SLC2A1: variants seen among roughly 807,000 people sequenced by gnomAD.
SLC2A1 encodes the protein solute carrier family 2 member 1.
In SLC2A1, 4 loss-of-function variants were observed where a neutral mutation model predicts 46.6. That is an observed-to-expected ratio of 0.09 (90% CI 0.04 to 0.20). The LOEUF (loss-of-function observed/expected upper bound fraction) is 0.20. Ranked by LOEUF, SLC2A1 falls within the 10% of genes least tolerant of loss-of-function variation. SLC2A1 has a pLI of 1.00. For missense variants in SLC2A1, 352 were observed against 667.0 expected, an observed-to-expected ratio of 0.53 and a Z score of 5.20; for synonymous variants, 253 against 270.0, an observed-to-expected ratio of 0.94 and a Z score of 0.62.
chr1:42,929,402 G>T lies in SLC2A1; in HGVS notation c.868-88C>A. The T allele has an allele frequency of 8.4e-7, 1 of 1,196,586 alleles. No homozygotes were observed. Among genetic ancestry groups the T allele is most frequent in the Non-Finnish European group, 1.2e-6 (1 of 819,530 alleles). The allele number at this position is 1,196,586 out of a possible 1,614,324, so 74.1% of individuals were successfully genotyped here. A position where few individuals can be genotyped will look rare whatever the true frequency, so the allele number is the denominator to read the frequency against. ...GCAGTGGATGTGGGACCCAGGATGA[G>T]TAAAGAATGAAGGGGACAAATACTC... On this transcript the variant is annotated intron_variant, in intron 6 of 9. Transcript: ENST00000426263. The surrounding 1 kb of genome is among the most constrained non-coding windows in gnomAD (Gnocchi z 6.0).
Position 42,929,324 on chromosome 1 carries a change from AAG to A in SLC2A1, c.868-12_868-11del. 6.2e-7 allele frequency: 1 copy of A among 1,602,362 alleles called. No individual in the cohort carries two copies. Among genetic ancestry groups the A allele is most frequent in the South Asian group, 1.1e-5 (1 of 89,588 alleles). ...TGGAGTAATAGAAGACCTGCCAGACAAGAGAAACTGTTGGGGCCTACCTGGAC... is the reference window on the plus strand; with the variant it reads ...TGGAGTAATAGAAGACCTGCCAGACAAGAAACTGTTGGGGCCTACCTGGAC... On this transcript the variant is annotated splice_polypyrimidine_tract_variant and intron_variant, in intron 6 of 9. Transcript: ENST00000426263. This position sits in a 1 kb window ranked among gnomAD's most constrained non-coding sequence, Gnocchi z 6.0.
rs538575828 is a variant in SLC2A1 at position 42,925,400 on chromosome 1, C to T, written c.*1641G>A. ...GACAAATATCTTTGGTGTTTTATTT[C>T]CTCCAGTATTTTCTGAGTGCCTGCT... On this transcript the variant is annotated 3_prime_UTR_variant, in exon 10 of 10. Transcript: ENST00000426263. 6.6e-6 allele frequency: 1 copy of T among 152,290 alleles called. No individual in the cohort carries two copies. The highest frequency in any genetic ancestry group is 2.4e-5 in the African/African-American group (1 of 41,546). The allele number at this position is 152,290 out of a possible 1,614,324, so 9.4% of individuals were successfully genotyped here.
Position 42,929,149 on chromosome 1 carries a change from G to A in SLC2A1, c.972+61C>T. ...CACAGGGCACTGCAAAGACCAGTGG[G>A]GAAGATGGCACTGCCTCCTCCCTGG... On this transcript the variant is annotated intron_variant, in intron 7 of 9. Coordinates refer to ENST00000426263, the MANE Select transcript of SLC2A1 (RefSeq NM_006516.4). The surrounding 1 kb of genome is among the most constrained non-coding windows in gnomAD (Gnocchi z 6.0). The A allele has an allele frequency of 6.4e-7, 1 of 1,559,466 alleles. No homozygotes were observed. The highest frequency in any genetic ancestry group is 8.8e-7 in the Non-Finnish European group (1 of 1,130,826).
intron 1 of SLC2A1, among the ~76,000 whole-genome samples, chr1:42,944,383 T>A (rs571833339): frequency 1.3e-5 from 2 of 152,260 alleles, no homozygotes; most frequent in African/African-American, 4.8e-5. Flanking sequence ...AGGCAGGCCT[T>A]TAACTGATTG....
At chr1:42,949,344 T>C (rs11210766) in intron 1 of SLC2A1, among the ~76,000 whole-genome samples, 10,216 of 152,226 alleles carry the variant, frequency 0.067, 700 homozygotes, top group African/African-American at 0.16. Flanking sequence ...AGGAGGCACC[T>C]GAGGTCAGAG....
intron 1 of SLC2A1, among the ~76,000 whole-genome samples, chr1:42,946,859 A>C (rs143491286): frequency 6.6e-5 from 10 of 152,346 alleles, no homozygotes; most frequent in Admixed American, 6.5e-4. Context: ...GCTTGGAAGC[A>C]GACCCACGTT....
intron 1 of SLC2A1, among the ~76,000 whole-genome samples, chr1:42,945,747 A>AAC (rs1553157048): frequency 7.2e-6 from 1 of 139,180 alleles, no homozygotes; most frequent in Admixed American, 7.2e-5. Flanking sequence ...TCAAAAAAAA[A>AAC]AAAAAACAAA....
chr1:42,931,773 C>T (rs1023243469), intron 2 of SLC2A1, among the ~76,000 whole-genome samples: 2 of 146,688 alleles, frequency 1.4e-5, no homozygotes, highest in African/African-American at 5.0e-5. Context: ...TTGCAGTGAG[C>T]CAAGACTGTG....
Position 42,958,296 on chromosome 1 carries a change from C to A in SLC2A1, c.18+338G>T, listed in dbSNP as rs532995647. On this transcript the variant is annotated intron_variant, in intron 1 of 9. Transcript: ENST00000426263. ...GAGGCTGGGCTGCTGCTGCCGAGGT[C>A]GTGTGCGACGTGCCGCTCCCGGGCC... Among the ~76,000 whole-genome samples, 75 of 151,304 alleles carry A rather than the reference C, an allele frequency of 5.0e-4. No homozygotes were observed. The East Asian group carries it at 0.012, about 25-fold the overall frequency.
At chr1:42,944,252 G>T (rs1643628190) in intron 1 of SLC2A1, among the ~76,000 whole-genome samples, 1 of 152,188 alleles carries the variant, frequency 6.6e-6, no homozygotes, top group African/African-American at 2.4e-5. Flanking sequence ...AAGGGCAGAG[G>T]CCAGCAGGTG....
chr1:42,947,598 A>AC (rs1466637686), intron 1 of SLC2A1, among the ~76,000 whole-genome samples: 19 of 151,034 alleles, frequency 1.3e-4, no homozygotes, highest in Admixed American at 3.3e-4. Context: ...AAAAAAAAAA[A>AC]AAAAAAAACA....
chr1:42,935,142 G>A (rs1643529629), intron 2 of SLC2A1, among the ~76,000 whole-genome samples: 1 of 152,158 alleles, frequency 6.6e-6, no homozygotes, highest in African/African-American at 2.4e-5. Flanking sequence ...CATGGTGTCG[G>A]CCAGCCTAGA....
intron 1 of SLC2A1, among the ~76,000 whole-genome samples, chr1:42,956,637 G>C (rs1351465641): frequency 6.6e-6 from 1 of 152,116 alleles, no homozygotes; most frequent in Non-Finnish European, 1.5e-5. Flanking sequence ...ACACCACTGT[G>C]AAAGAGGTGT....
At position 42,945,446 on chromosome 1, in the gene SLC2A1, C is replaced by T. The variant is rs1643644047; in HGVS notation, c.19-2125G>A. Among the ~76,000 whole-genome samples, 3 of 151,282 alleles carry T rather than the reference C, an allele frequency of 2.0e-5. No homozygotes were observed. In the South Asian group the frequency reaches 6.2e-4, roughly 32 times the overall value. On this transcript the variant is annotated intron_variant, in intron 1 of 9. Coordinates refer to ENST00000426263, the MANE Select transcript of SLC2A1 (RefSeq NM_006516.4). ...CTTTTGGGTTAAAAAAAAAAATTGGCTGGGGGTAGGGGGAGAATATACACA... is the reference window on the plus strand; with the variant it reads ...CTTTTGGGTTAAAAAAAAAAATTGGTTGGGGGTAGGGGGAGAATATACACA...
At chr1:42,942,633 C>G (rs866324031) in intron 2 of SLC2A1, among the ~76,000 whole-genome samples, 4 of 151,858 alleles carry the variant, frequency 2.6e-5, no homozygotes, top group Non-Finnish European at 4.4e-5. Flanking sequence ...GGAGAGGACG[C>G]GGTTTCAACC....
intron 1 of SLC2A1, chr1:42,952,416 G>T: frequency 2.1e-6 from 1 of 477,934 alleles, no homozygotes; most frequent in South Asian, 1.5e-5. Flanking sequence ...GTCGATCAGC[G>T]AGTTGGGGAT....
Position 42,958,799 on chromosome 1 carries a change from C to T in SLC2A1, c.-148G>A. 1.3e-6 allele frequency: 1 copy of T among 769,754 alleles called. No homozygotes were observed. The highest frequency in any genetic ancestry group is 1.7e-5 in the South Asian group (1 of 59,356). 47.7% of individuals were successfully genotyped at this position (769,754 alleles called of 1,614,324 possible). A position where few individuals can be genotyped will look rare whatever the true frequency, so the allele number is the denominator to read the frequency against. ...GACCCCCGTCGTTTGGTCTCCTGCT[C>T]CCTGGCGTGCTCACTCGGGGACCCG... is the stretch of plus-strand genomic sequence containing the variant. On this transcript the variant is annotated 5_prime_UTR_variant, in exon 1 of 10. Coordinates refer to ENST00000426263, the MANE Select transcript of SLC2A1 (RefSeq NM_006516.4).
chr1:42,932,939 G>A lies in SLC2A1; in HGVS notation c.115-1733C>T, dbSNP rs574497676. Among the ~76,000 whole-genome samples the A allele has an allele frequency of 9.8e-5, 15 of 152,316 alleles. No individual in the cohort carries two copies. In the South Asian group the frequency reaches 2.9e-3, roughly 29 times the overall value. ...GCAAGCCCTAAGGATCTGCTTGTCC[G>A]TTCCAAGGACGCCATGCAGGGCAGT... On this transcript the variant is annotated intron_variant, in intron 2 of 9. Transcript: ENST00000426263.
rs143518765 is a variant in SLC2A1 at position 42,943,274 on chromosome 1, G to A, written c.66C>T (p.Gly22=). ...LMLAVGGAVL[G]SLQFGYNTGV... ...CAGTGTTGTAGCCAAACTGCAGGGAGCCAAGCACTGCTCCTCCCACGGCCA... is the reference window on the plus strand; with the variant it reads ...CAGTGTTGTAGCCAAACTGCAGGGAACCAAGCACTGCTCCTCCCACGGCCA... Residue 22 remains glycine (G), a synonymous_variant, in exon 2 of 10, where the codon GGC becomes GGT. Transcript: ENST00000426263. The A allele has an allele frequency of 6.2e-7, 1 of 1,613,838 alleles. No individual in the cohort carries two copies. Among genetic ancestry groups the A allele is most frequent in the Non-Finnish European group, 8.5e-7 (1 of 1,179,948 alleles).
Sources: allele counts gnomAD v4.1 joint callset (sites outside exome capture counted in the v4.1 genomes callset), GRCh38; gene constraint gnomAD v4.1.1; non-coding constraint Gnocchi (gnomAD v3.1); transcripts MANE v1.5; gene names NCBI Gene and HGNC (gene_info 2026-07-23, HGNC 2026-07-21).